JARID2: variants seen among roughly 807,000 people sequenced by gnomAD.
JARID2 encodes protein Jumonji.
JARID2 carries 21 observed loss-of-function variants against 125.6 expected under a neutral mutation model. That is an observed-to-expected ratio of 0.17 (90% CI 0.12 to 0.24). JARID2 has a LOEUF of 0.24. Among genes scored for constraint, JARID2 ranks in the 10% least tolerant of loss-of-function variants. The pLI is 1.00. For synonymous variants in JARID2, 736 were observed against 661.6 expected (o/e 1.11, Z -1.73); for missense variants, 1,303 against 1,639.6 (o/e 0.79, Z 3.55).
intron 3 of JARID2, among the ~76,000 whole-genome samples, chr6:15,415,344 G>C (rs545764706): frequency 1.1e-4 from 16 of 152,298 alleles, no homozygotes; most frequent in Middle Eastern, 3.4e-3. Context: ...CCTCCCAGAC[G>C]GGGCGGTGGC....
intron 15 of JARID2, 84 bp downstream of exon 15, chr6:15,513,129 G>A: frequency 6.3e-7 from 1 of 1,596,608 alleles, no homozygotes; most frequent in South Asian, 1.1e-5. Context: ...CTCACTTCCT[G>A]ACAGGAGGGT....
At position 15,250,922 on chromosome 6, in the gene JARID2, CTT is replaced by C. The variant is rs34348303; in HGVS notation, c.45+4351_45+4352del. Among the ~76,000 whole-genome samples the C allele has an allele frequency of 5.0e-3, 740 of 147,842 alleles. 12 individuals carry two copies. Among genetic ancestry groups the C allele is most frequent in the Middle Eastern group, 7.0e-3 (2 of 284 alleles). On this transcript the variant is annotated intron_variant, in intron 1 of 17. Transcript: ENST00000341776. ...GGTGTCTGTTACCTTCAAAATGGAACTTTTTTTTTTTTTTCAGAGAAGACACG... is the reference window on the plus strand; with the variant it reads ...GGTGTCTGTTACCTTCAAAATGGAACTTTTTTTTTTTTCAGAGAAGACACG...
rs1771784563 is a variant in JARID2 at position 15,520,530 on chromosome 6, C to T, written c.*279C>T. Reference sequence around the variant, plus strand: ...TTAATTTGTATTGCCCCATGGCTGACAAAAGCCTTTTTTTTTGGTTTTGAT... The same window carrying T: ...TTAATTTGTATTGCCCCATGGCTGATAAAAGCCTTTTTTTTTGGTTTTGAT... On this transcript the variant is annotated 3_prime_UTR_variant, in exon 18 of 18. Transcript: ENST00000341776. The T allele has an allele frequency of 2.8e-6, 1 of 354,766 alleles. No individual in the cohort carries two copies. Among genetic ancestry groups the T allele is most frequent in the Non-Finnish European group, 5.3e-6 (1 of 190,406 alleles). 22.0% of individuals were successfully genotyped at this position (354,766 alleles called of 1,614,324 possible).
intron 1 of JARID2, among the ~76,000 whole-genome samples, chr6:15,264,612 A>AGTGTGTGT (rs148424538): frequency 0.084 from 12,291 of 145,934 alleles, 559 homozygotes; most frequent in East Asian, 0.16. Flanking sequence ...GGTAGGTGTG[A>AGTGTGTGT]GTGTGTGTGT....
chr6:15,519,874 T>C (rs950013907), intron 17 of JARID2, among the ~76,000 whole-genome samples, 195 bp from the exon 18 acceptor site: 1 of 152,062 alleles, frequency 6.6e-6, no homozygotes, highest in Non-Finnish European at 1.5e-5. Flanking sequence ...CCATGCCTGC[T>C]ATGTGGCATC....
intron 3 of JARID2, among the ~76,000 whole-genome samples, chr6:15,442,023 C>G (rs529331644): frequency 6.6e-6 from 1 of 152,064 alleles, no homozygotes; most frequent in African/African-American, 2.4e-5. Context: ...CTCAGGTGAT[C>G]CCCCACGCCT....
chr6:15,458,306 T>G (rs1044465088), intron 4 of JARID2, among the ~76,000 whole-genome samples: 6 of 152,186 alleles, frequency 3.9e-5, no homozygotes, highest in African/African-American at 1.4e-4. Flanking sequence ...AACAAGGGGA[T>G]TCCCAAAGGG....
chr6:15,515,102 C>T (rs534409744), intron 16 of JARID2, among the ~76,000 whole-genome samples: 77 of 151,826 alleles, frequency 5.1e-4, no homozygotes, highest in Non-Finnish European at 1.0e-3. Context: ...GGATGGAATG[C>T]GTGCTGTGAT....
intron 1 of JARID2, among the ~76,000 whole-genome samples, chr6:15,311,844 C>G (rs964051772): frequency 4.6e-5 from 7 of 151,332 alleles, no homozygotes; most frequent in African/African-American, 7.3e-5. Flanking sequence ...TTTAATAAGT[C>G]ACTTTTAACT....
intron 6 of JARID2, among the ~76,000 whole-genome samples, chr6:15,494,913 C>A (rs770256049): frequency 6.6e-6 from 1 of 152,180 alleles, no homozygotes; most frequent in Non-Finnish European, 1.5e-5. Context: ...CAGGCTCCCC[C>A]GACCCTGGCA....
At chr6:15,486,999 C>T (rs1452872092) in intron 5 of JARID2, among the ~76,000 whole-genome samples, 1 of 152,046 alleles carries the variant, frequency 6.6e-6, no homozygotes, top group African/African-American at 2.4e-5. Context: ...CCTCAGGAAA[C>T]TTACAATCAT....
At chr6:15,318,348 G>A (rs1762245978) in intron 1 of JARID2, among the ~76,000 whole-genome samples, 1 of 152,240 alleles carries the variant, frequency 6.6e-6, no homozygotes. Context: ...GAGAAGGACA[G>A]GGAGACAGCA....
intron 3 of JARID2, among the ~76,000 whole-genome samples, chr6:15,413,293 A>AT (rs1765986407): frequency 6.6e-6 from 1 of 152,166 alleles, no homozygotes; most frequent in African/African-American, 2.4e-5. Flanking sequence ...GATTACAGGT[A>AT]TGAGCCACTG....
chr6:15,249,157 G>A (rs1051212378), intron 1 of JARID2, among the ~76,000 whole-genome samples: 1 of 152,244 alleles, frequency 6.6e-6, no homozygotes, highest in African/African-American at 2.4e-5. Context: ...CTTATGTAAA[G>A]AAATGAAAGT....
At chr6:15,513,539 C>T in intron 16 of JARID2, 117 bp downstream of exon 16, 1 of 1,030,082 alleles carries the variant, frequency 9.7e-7, no homozygotes, top group Non-Finnish European at 1.4e-6. Flanking sequence ...GTGCTCCCAT[C>T]TCTGGAGCCG....
chr6:15,339,754 C>T (rs1163783017), intron 1 of JARID2, among the ~76,000 whole-genome samples: 6 of 152,012 alleles, frequency 3.9e-5, no homozygotes, highest in South Asian at 2.1e-4. Flanking sequence ...AGGCTGGTCT[C>T]GAACTCCCAA....
chr6:15,498,897 C>T (rs546072705), intron 7 of JARID2, among the ~76,000 whole-genome samples: 3 of 152,352 alleles, frequency 2.0e-5, no homozygotes, highest in Non-Finnish European at 2.9e-5. Context: ...CCAAGTCCTC[C>T]TGCCTTTGGA....
intron 2 of JARID2, among the ~76,000 whole-genome samples, chr6:15,375,379 C>A (rs910502917): frequency 5.9e-5 from 9 of 152,262 alleles, no homozygotes; most frequent in Admixed American, 2.6e-4. Flanking sequence ...GGGTGACTTG[C>A]CTTTGGAGGT....
chr6:15,328,065 G>C (rs534973844), intron 1 of JARID2, among the ~76,000 whole-genome samples: 2 of 152,216 alleles, frequency 1.3e-5, no homozygotes, highest in South Asian at 4.1e-4. Context: ...ACATGTAGCT[G>C]TTCAATAAAT....
Sources: gnomAD v4.1 joint callset for allele counts (sites outside exome capture counted in the v4.1 genomes callset) on GRCh38, gnomAD v4.1.1 for gene constraint, MANE v1.5 for transcripts, NCBI Gene and HGNC (gene_info 2026-07-23, HGNC 2026-07-21) for gene names.